NEK9: variants seen among roughly 807,000 people sequenced by gnomAD.
NEK9 encodes the protein serine/threonine-protein kinase Nek9.
A neutral mutation model predicts 123.4 loss-of-function variants in NEK9; 75 were observed. That is an observed-to-expected ratio of 0.61 (90% CI 0.50 to 0.74). The LOEUF is 0.74. NEK9 is among the 30% of genes least tolerant of loss of function. NEK9 has a pLI of 0.00. For missense variants in NEK9, 952 were observed against 1,214.4 expected (o/e 0.78, Z 3.21); for synonymous variants, 438 against 458.7 (o/e 0.95, Z 0.58).
chr14:75,116,431 C>T, intron 6 of NEK9: 1 of 281,294 alleles, frequency 3.6e-6, no homozygotes, highest in East Asian at 1.1e-4. Context: ...GAGTGAGACC[C>T]AAATAAAACA....
At chr14:75,119,580 C>G (rs1487953927) in intron 4 of NEK9, among the ~76,000 whole-genome samples, 2 of 152,104 alleles carry the variant, frequency 1.3e-5, no homozygotes, top group Non-Finnish European at 2.9e-5. Flanking sequence ...CCATAAGATA[C>G]CACACCTCTT....
chr14:75,119,204 C>T (rs116409841), intron 4 of NEK9, among the ~76,000 whole-genome samples: 1,934 of 151,424 alleles, frequency 0.013, 45 homozygotes, highest in African/African-American at 0.045. Flanking sequence ...CCTAGCTTCT[C>T]GGGAGGTTAA....
chr14:75,100,595 C>A (rs1378938947), intron 16 of NEK9, among the ~76,000 whole-genome samples: 6 of 152,094 alleles, frequency 3.9e-5, no homozygotes, highest in Non-Finnish European at 5.9e-5. Context: ...CACTGCAGTA[C>A]AGGTGACCCC....
At chr14:75,085,402 A>G (rs2139707245) in intron 21 of NEK9, among the ~76,000 whole-genome samples, 1 of 152,364 alleles carries the variant, frequency 6.6e-6, no homozygotes, top group East Asian at 1.9e-4. Context: ...GCTCAGAGAA[A>G]ACAAAGTAGC....
At chr14:75,088,415 G>A in intron 20 of NEK9, 65 bp downstream of exon 20, 1 of 1,526,532 alleles carries the variant, frequency 6.6e-7, no homozygotes, top group Non-Finnish European at 9.0e-7. Flanking sequence ...GAGGCCAGAA[G>A]AACCAGGCAG....
At chr14:75,107,567 C>T in intron 10 of NEK9, 80 bp from the exon 11 acceptor site, 1 of 1,227,346 alleles carries the variant, frequency 8.1e-7, no homozygotes, top group South Asian at 1.6e-5. Context: ...TGGGTTCTCG[C>T]TATGTTGCCC....
chr14:75,092,070 C>T (rs748881850), intron 18 of NEK9, among the ~76,000 whole-genome samples: 12 of 152,138 alleles, frequency 7.9e-5, no homozygotes, highest in Non-Finnish European at 1.2e-4. Context: ...ACCTCTGCCT[C>T]CCAGGTTCAA....
intron 19 of NEK9, among the ~76,000 whole-genome samples, chr14:75,090,048 T>C (rs1308556966): frequency 6.6e-6 from 1 of 151,764 alleles, no homozygotes; most frequent in Non-Finnish European, 1.5e-5. Context: ...GGCCAGGCTG[T>C]TCTCAAACTC....
At chr14:75,087,628 G>A (rs890702343) in intron 20 of NEK9, among the ~76,000 whole-genome samples, 1 of 152,220 alleles carries the variant, frequency 6.6e-6, no homozygotes, top group Middle Eastern at 3.2e-3. Flanking sequence ...TCACACTTTA[G>A]AAAAGATCTG....
Position 75,084,699 on chromosome 14 carries a change from AAC to A in NEK9, c.2818-15_2818-14del, listed in dbSNP as rs1173696186. On this transcript the variant is annotated splice_polypyrimidine_tract_variant and intron_variant, in intron 21 of 21. Transcript: ENST00000238616. ...AATGCATCCCCACCTGTCCGGATAA[AAC>A]ACGGTTCCACATTAGCAACAGTGCC... is the stretch of plus-strand genomic sequence containing the variant. The A allele has an allele frequency of 1.2e-6, 2 of 1,613,788 alleles. No homozygotes were observed. Among genetic ancestry groups the A allele is most frequent in the Admixed American group, 3.3e-5 (2 of 60,002 alleles).
chr14:75,099,850 A>AC (rs1457611755), intron 16 of NEK9, among the ~76,000 whole-genome samples: 1 of 150,548 alleles, frequency 6.6e-6, no homozygotes, highest in African/African-American at 2.4e-5. Context: ...GCCACAGAGG[A>AC]CCAGGTGCAG....
At chr14:75,092,272 A>AT (rs4026177) in intron 18 of NEK9, among the ~76,000 whole-genome samples, 69,943 of 141,314 alleles carry the variant, frequency 0.49, 16,983 homozygotes, top group Middle Eastern at 0.62. Flanking sequence ...GCACCCAGCA[A>AT]TTTTTTTTTT....
In NEK9 at chr14:75,113,353, G is replaced by A; in HGVS notation, c.924C>T (p.Leu308=). 1.2e-6 allele frequency: 2 copies of A among 1,613,490 alleles called. No individual in the cohort carries two copies. The highest frequency in any genetic ancestry group is 1.6e-4 in the Middle Eastern group (1 of 6,062). The change falls in exon 8 of 22, where the codon CTC becomes CTT. Residue 308 remains leucine, a synonymous_variant. Transcript: ENST00000238616. ...TADELLDRPL[L]RKRRREMEEK... ...TCATAATTTACCTCCTGCGTTTCCT[G>A]AGAAGAGGGCGATCTAGAAGTTCAT... is the stretch of plus-strand genomic sequence containing the variant.
At chr14:75,117,132 C>A in intron 6 of NEK9, 63 bp downstream of exon 6, 1 of 1,546,526 alleles carries the variant, frequency 6.5e-7, no homozygotes, top group Non-Finnish European at 8.7e-7. Flanking sequence ...AGTTGATCTG[C>A]TTAGTCAAGC....
chr14:75,117,041 CTA>C (rs1301382815), intron 6 of NEK9, among the ~76,000 whole-genome samples, 152 bp downstream of exon 6: 1 of 152,140 alleles, frequency 6.6e-6, no homozygotes, highest in Non-Finnish European at 1.5e-5. Flanking sequence ...CTGGCTGGGT[CTA>C]TAGCATTTTA....
rs1893851888 is a variant in NEK9, at chr14:75,080,901, G to A, written c.*3663C>T. ...CCCACCTCGGCCTCCCAAAGTGCTG[G>A]GATTACAGGCGTGAGCCACCGCGCC... On this transcript the variant is annotated 3_prime_UTR_variant, in exon 22 of 22. Transcript: ENST00000238616. 6.6e-6 allele frequency: 1 copy of A among 151,282 alleles called. No individual in the cohort carries two copies. The highest frequency in any genetic ancestry group is 1.5e-5 in the Non-Finnish European group (1 of 68,056). The allele number at this position is 151,282 out of a possible 1,614,324, so 9.4% of individuals were successfully genotyped here. A position where few individuals can be genotyped will look rare whatever the true frequency, so the allele number is the denominator to read the frequency against.
chr14:75,111,467 T>A (rs1157539189), intron 8 of NEK9, among the ~76,000 whole-genome samples: 1 of 152,252 alleles, frequency 6.6e-6, no homozygotes, highest in Admixed American at 6.5e-5. Flanking sequence ...ATTCTCTGTC[T>A]GGAAAACTCT....
intron 1 of NEK9, 76 bp from the exon 2 acceptor site, chr14:75,124,299 C>A: frequency 7.1e-7 from 1 of 1,417,574 alleles, no homozygotes; most frequent in South Asian, 1.3e-5. Context: ...ATCTGTAAGC[C>A]TAGAAGGAAA....
In NEK9 at chr14:75,080,657, T is replaced by G. The variant is rs1197540045; in HGVS notation, c.*3907A>C. On this transcript the variant is annotated 3_prime_UTR_variant, in exon 22 of 22. Coordinates refer to ENST00000238616, the MANE Select transcript of NEK9 (RefSeq NM_033116.6). ...GACAGTATTTCTTTTTTTTTTTTTT[T>G]GAGACGGAGTCTCGCTCTTGTCACC... The G allele has an allele frequency of 6.6e-6, 1 of 151,794 alleles. No homozygotes were observed. The highest frequency in any genetic ancestry group is 1.9e-4 in the East Asian group (1 of 5,196). The allele number at this position is 151,794 out of a possible 1,614,324, so 9.4% of individuals were successfully genotyped here.
Sources: gnomAD v4.1 joint callset for allele counts (sites outside exome capture counted in the v4.1 genomes callset) on GRCh38, gnomAD v4.1.1 for gene constraint, MANE v1.5 for transcripts, NCBI Gene and HGNC (gene_info 2026-07-23, HGNC 2026-07-21) for gene names.